The following ATP2B3 variants were observed in gnomAD, a reference collection of about 807,000 sequenced individuals.
The protein encoded by ATP2B3 is ATPase plasma membrane Ca2+ transporting 3.
A neutral mutation model predicts 70.8 loss-of-function variants in ATP2B3; 12 were observed. That is an observed-to-expected ratio of 0.17 (90% CI 0.11 to 0.27). ATP2B3 has a LOEUF of 0.27. Ranked by LOEUF, ATP2B3 falls within the 10% of genes least tolerant of loss-of-function variation. ATP2B3 has a pLI of 1.00. For synonymous variants in ATP2B3, 460 were observed against 497.8 expected (o/e 0.92, Z 1.01); for missense variants, 858 against 1,118.5 (o/e 0.77, Z 3.32).
At chrX:153,531,509 G>A (rs1429486361) in intron 2 of ATP2B3, among the ~76,000 whole-genome samples, 3 of 113,215 alleles carry the variant, frequency 2.6e-5, no homozygotes, top group African/African-American at 9.6e-5. Context: ...GGGTCTGTAG[G>A]GAGCAGGTGA....
rs782646851 is a variant in ATP2B3 at position 153,556,925 on chromosome X, G to A, written c.2335G>A (p.Asp779Asn). The A allele has an allele frequency of 1.7e-6, 2 of 1,189,279 alleles. No homozygotes were observed. Among genetic ancestry groups the A allele is most frequent in the Non-Finnish European group, 2.3e-6 (2 of 883,750 alleles). Reference sequence around the variant, plus strand: ...CCTGATCTGTCTTCCAGGGATTATCGACAGCACCACTGGTGAGCAGCGGCA... The same window carrying A: ...CCTGATCTGTCTTCCAGGGATTATCAACAGCACCACTGGTGAGCAGCGGCA... ...DKHTLVKGII[D>N]STTGEQRQVV... Residue 779 changes from aspartate (D) to asparagine (N), a missense_variant, in exon 16 of 22, where the codon GAC becomes AAC. Physicochemically the swap from Asp to Asn is conservative, Grantham distance 23. Transcript: ENST00000263519.
intron 21 of ATP2B3, 79 bp downstream of exon 21, chrX:153,565,182 C>T (rs2090686909): frequency 4.7e-6 from 5 of 1,067,168 alleles, no homozygotes; most frequent in Non-Finnish European, 6.2e-6. Flanking sequence ...AGCCGAGAGC[C>T]GGCCGTCTGC....
rs199650999 is a variant in ATP2B3, at chrX:153,580,131, G to A, written c.3496G>A (p.Glu1166Lys). The change falls in exon 22 of 22, where the codon GAG becomes AAG. Residue 1166 changes from glutamate to lysine, a missense_variant. Coordinates refer to ENST00000263519, the MANE Select transcript of ATP2B3 (RefSeq NM_001001344.3). ...GCTCATTGACGACACGGACGTGGAC[G>A]AGAACGAGGAGCGCCTCCGGGCCCC... ...IPLIDDTDVD[E>K]NEERLRAPPP... The A allele has an allele frequency of 3.3e-6, 4 of 1,210,595 alleles. No individual in the cohort carries two copies. Among genetic ancestry groups the A allele is most frequent in the Admixed American group, 4.4e-5 (2 of 45,905 alleles).
chrX:153,541,575 G>A lies in ATP2B3; in HGVS notation c.406+19G>A, dbSNP rs781955643. On this transcript the variant is annotated intron_variant, in intron 4 of 21. Transcript: ENST00000263519. ...AGTGAAGGTAAGGCCCGGGGGCCTG[G>A]GCTGGAAGGAGGAAGAGGAATGGGG... is the stretch of plus-strand genomic sequence containing the variant. The A allele has an allele frequency of 8.3e-6, 10 of 1,210,470 alleles. No homozygotes were observed. The highest frequency in any genetic ancestry group is 3.5e-5 in the South Asian group (2 of 56,898).
At chrX:153,562,288 C>T (rs782059836) in intron 20 of ATP2B3, 46 bp downstream of exon 20, 12 of 1,119,492 alleles carry the variant, frequency 1.1e-5, no homozygotes, top group Non-Finnish European at 1.3e-5. Context: ...CTGCAGACAG[C>T]TTCTGTGATG....
At chrX:153,551,128 G>A (rs5945293) in intron 12 of ATP2B3, among the ~76,000 whole-genome samples, 50,315 of 110,725 alleles carry the variant, frequency 0.45, 9,142 homozygotes, top group South Asian at 0.65. Flanking sequence ...GCTGGGTCGT[G>A]GTGTCCACGA....
In ATP2B3 at chrX:153,536,271, C is replaced by T. The variant is rs1477747898; in HGVS notation, c.24C>T (p.Ser8=). 1.7e-6 allele frequency: 2 copies of T among 1,196,137 alleles called. No homozygotes were observed. The highest frequency in any genetic ancestry group is 2.3e-6 in the Non-Finnish European group (2 of 887,987). MGDMANS[S]IEFHPKPQQQ... ...GCATGGGCGACATGGCCAATAGTTCCATCGAGTTCCACCCCAAGCCCCAGC... is the reference window on the plus strand; with the variant it reads ...GCATGGGCGACATGGCCAATAGTTCTATCGAGTTCCACCCCAAGCCCCAGC... Residue 8 remains serine, a synonymous_variant, in exon 3 of 22, where the codon TCC becomes TCT. Transcript: ENST00000263519.
chrX:153,556,131 C>G lies in ATP2B3; in HGVS notation c.2141C>G (p.Ala714Gly). ...VTGDNINTARAIAAKCGIIQP... is the reference protein window; with the variant it reads ...VTGDNINTARGIAAKCGIIQP... ...GGGGACAACATCAACACGGCCCGGG[C>G]CATCGCAGCCAAATGCGGCATCATC... Residue 714 changes from alanine to glycine, a missense_variant, in exon 14 of 22, where the codon GCC becomes GGC. Coordinates refer to ENST00000263519, the MANE Select transcript of ATP2B3 (RefSeq NM_001001344.3). 1 of 1,212,428 alleles carries G rather than the reference C, an allele frequency of 8.2e-7. No homozygotes were observed. Among genetic ancestry groups the G allele is most frequent in the Non-Finnish European group, 1.1e-6 (1 of 895,633 alleles).
At chrX:153,518,844 G>T (rs1425311896) in intron 2 of ATP2B3, among the ~76,000 whole-genome samples, 1 of 112,124 alleles carries the variant, frequency 8.9e-6, no homozygotes, top group Non-Finnish European at 1.9e-5. Flanking sequence ...TCCTGGCGAG[G>T]TCATATAACT....
Position 153,542,436 on chromosome X carries a change from A to G in ATP2B3, c.778A>G (p.Met260Val), listed in dbSNP as rs2090300885. 2 of 1,211,405 alleles carry G rather than the reference A, an allele frequency of 1.7e-6. No individual in the cohort carries two copies. Among genetic ancestry groups the G allele is most frequent in the East Asian group, 3.0e-5 (1 of 33,823 alleles). The change falls in exon 6 of 22, where the codon ATG (methionine) becomes GTG (valine). Residue 260 changes from methionine (M) to valine (V), a missense_variant. Met to Val is a conservative substitution (Grantham distance 21, BLOSUM62 1). Coordinates refer to ENST00000263519, the MANE Select transcript of ATP2B3 (RefSeq NM_001001344.3). The stretch of plus-strand genomic sequence containing the variant: ...GCGCAAGTCAGCTGACAAAGATCCC[A>G]TGCTGCTCTCAGGTGAGGGCCACCC... ...HVRKSADKDP[M>V]LLSGTHVMEG...
chrX:153,542,716 G>A (rs1375464282), intron 6 of ATP2B3, among the ~76,000 whole-genome samples: 2 of 113,341 alleles, frequency 1.8e-5, no homozygotes, highest in Non-Finnish European at 3.7e-5. Flanking sequence ...GCTTGCAGGG[G>A]CCAGCACAGC....
At chrX:153,538,935 G>A (rs990911561) in intron 3 of ATP2B3, among the ~76,000 whole-genome samples, 1 of 112,842 alleles carries the variant, frequency 8.9e-6, no homozygotes, top group African/African-American at 3.2e-5. Flanking sequence ...ATGGGCCAGG[G>A]GTCCCGGCTG....
chrX:153,562,050 G>A, intron 19 of ATP2B3, 85 bp from the exon 20 acceptor site: 1 of 878,706 alleles, frequency 1.1e-6, no homozygotes. Context: ...ACCAACCAGG[G>A]TGGCTGGGTC....
chrX:153,538,642 G>T (rs2090231814), intron 3 of ATP2B3, among the ~76,000 whole-genome samples: 1 of 113,061 alleles, frequency 8.8e-6, no homozygotes, highest in Admixed American at 9.2e-5. Flanking sequence ...ATGGCATCTG[G>T]CCTCTGCTCC....
chrX:153,564,040 G>A (rs782755965), intron 20 of ATP2B3, among the ~76,000 whole-genome samples: 13 of 111,957 alleles, frequency 1.2e-4, no homozygotes, highest in Admixed American at 2.8e-4. Flanking sequence ...TACAATATGC[G>A]AAGCCATGCC....
rs782774423 is a variant in ATP2B3 at position 153,580,321 on chromosome X, C to T, written c.*23C>T. On this transcript the variant is annotated 3_prime_UTR_variant, in exon 22 of 22. Transcript: ENST00000263519. ...TAACAAGAACTTGTCTCAGCACATG[C>T]GCACACGCACACTCGGACTCACACG... is the stretch of plus-strand genomic sequence containing the variant. 6.0e-6 allele frequency: 7 copies of T among 1,173,167 alleles called. No homozygotes were observed. Among genetic ancestry groups the T allele is most frequent in the South Asian group, 3.7e-5 (2 of 53,848 alleles).
Position 153,581,356 on chromosome X carries a change from T to C in ATP2B3, c.*1058T>C, listed in dbSNP as rs1204750933. Reference sequence around the variant, plus strand: ...CCAAAATATTGATGAGAAGGAGTCCTCCAGTTAGTGAAAGGGGAGTTTCGT... The same window carrying C: ...CCAAAATATTGATGAGAAGGAGTCCCCCAGTTAGTGAAAGGGGAGTTTCGT... On this transcript the variant is annotated 3_prime_UTR_variant, in exon 22 of 22. Transcript: ENST00000263519. The C allele has an allele frequency of 2.7e-5, 3 of 112,212 alleles. No individual in the cohort carries two copies. The highest frequency in any genetic ancestry group is 9.7e-5 in the African/African-American group (3 of 30,851). 9.2% of individuals were successfully genotyped at this position (112,212 alleles called of 1,213,427 possible). A position where few individuals can be genotyped will look rare whatever the true frequency, so the allele number is the denominator to read the frequency against.
At chrX:153,578,470 T>G (rs1013771437) in intron 21 of ATP2B3, among the ~76,000 whole-genome samples, 23 of 112,644 alleles carry the variant, frequency 2.0e-4, no homozygotes, top group Non-Finnish European at 3.4e-4. Flanking sequence ...ACTCCTGGCT[T>G]CTAGAAGCAG....
chrX:153,531,215 A>G (rs2090112803), intron 2 of ATP2B3, among the ~76,000 whole-genome samples: 1 of 113,056 alleles, frequency 8.8e-6, no homozygotes, highest in Non-Finnish European at 1.9e-5. Flanking sequence ...CAGGCCCAGG[A>G]GAGGGCAGGG....
Sources: allele counts gnomAD v4.1 joint callset (sites outside exome capture counted in the v4.1 genomes callset), GRCh38; gene constraint gnomAD v4.1.1; transcripts MANE v1.5; gene names NCBI Gene and HGNC (gene_info 2026-07-23, HGNC 2026-07-21).